MCTP1: variants seen among roughly 807,000 people sequenced by gnomAD.
The protein encoded by MCTP1 is multiple C2 and transmembrane domain containing 1.
In MCTP1, 69 loss-of-function variants were observed where a neutral mutation model predicts 120.6. The observed-to-expected ratio is 0.57, with a 90% CI of 0.47 to 0.70. MCTP1 has a LOEUF of 0.70. Ranked by LOEUF, MCTP1 falls within the 30% of genes least tolerant of loss-of-function variation. The probability of loss-of-function intolerance (pLI) is 0.00; values close to 1 mark genes in which losing one functional copy is unlikely to be tolerated. For missense variants in MCTP1, 1,203 were observed against 1,248.8 expected (o/e 0.96, Z 0.55); for synonymous variants, 529 against 493.1 (o/e 1.07, Z -0.96).
At chr5:94,839,155 G>A (rs1790457917) in intron 17 of MCTP1, among the ~76,000 whole-genome samples, 1 of 152,070 alleles carries the variant, frequency 6.6e-6, no homozygotes. Flanking sequence ...CCATCCCTAT[G>A]GTCAGTAAGC....
At position 94,727,231 on chromosome 5, in the gene MCTP1, G is replaced by A. The variant is rs189528620; in HGVS notation, c.2611-12345C>T. The stretch of plus-strand genomic sequence containing the variant: ...GGACCAGGGTTCAGCTTTGCTTAAA[G>A]TAATTCCACATGCCCCATGACCATT... On this transcript the variant is annotated intron_variant, in intron 19 of 22. Coordinates refer to ENST00000515393, the MANE Select transcript of MCTP1 (RefSeq NM_024717.7). 5.6e-4 allele frequency among the ~76,000 whole-genome samples: 86 copies of A among 152,316 alleles called. No individual in the cohort carries two copies. In the Middle Eastern group the frequency reaches 0.017, roughly 30 times the overall value.
At chr5:94,808,586 A>G (rs1782818702) in intron 17 of MCTP1, among the ~76,000 whole-genome samples, 1 of 152,122 alleles carries the variant, frequency 6.6e-6, no homozygotes, top group Non-Finnish European at 1.5e-5. Flanking sequence ...ACTAGTTTCA[A>G]CCAGATACCA....
chr5:95,045,932 A>C (rs1162370073), intron 1 of MCTP1, among the ~76,000 whole-genome samples: 1 of 152,146 alleles, frequency 6.6e-6, no homozygotes, highest in African/African-American at 2.4e-5. Context: ...GAACCTCTTC[A>C]TACCTCAGCT....
At chr5:95,104,782 A>G (rs112044400) in intron 1 of MCTP1, among the ~76,000 whole-genome samples, 1 of 152,182 alleles carries the variant, frequency 6.6e-6, no homozygotes, top group Admixed American at 6.5e-5. Flanking sequence ...TTCAGCACTT[A>G]TCAAATTTCT....
At chr5:94,925,190 T>A (rs1051571324) in intron 6 of MCTP1, among the ~76,000 whole-genome samples, 1 of 152,112 alleles carries the variant, frequency 6.6e-6, no homozygotes, top group Admixed American at 6.5e-5. Context: ...AGTCTAATGA[T>A]AATAACAATA....
Position 95,284,443 on chromosome 5 carries a change from C to T in MCTP1, c.133G>A (p.Gly45Ser). 1 of 1,523,414 alleles carries T rather than the reference C, an allele frequency of 6.6e-7. No homozygotes were observed. The highest frequency in any genetic ancestry group is 8.7e-7 in the Non-Finnish European group (1 of 1,143,466). 94.4% of individuals were successfully genotyped at this position (1,523,414 alleles called of 1,614,324 possible). The change falls in exon 1 of 23, where the codon GGT (glycine) becomes AGT (serine). Residue 45 changes from glycine to serine, a missense_variant. By Grantham distance (56) the Gly-to-Ser change is moderately conservative. Around this residue, in one of 2 missense-constraint regions of MCTP1, gnomAD observed 463 missense variants for 377.8 expected, o/e 1.23. Transcript: ENST00000515393. This position sits in a 1 kb window ranked among gnomAD's most constrained non-coding sequence, Gnocchi z 5.2. ...SKGGGGGRAGGPERRTADTPS... is the reference protein window; with the variant it reads ...SKGGGGGRAGSPERRTADTPS... ...GTGTCCGCAGTGCGGCGCTCTGGACCCCCAGCGCGCCCGCCCCCGCCGCCC... is the reference window on the plus strand; with the variant it reads ...GTGTCCGCAGTGCGGCGCTCTGGACTCCCAGCGCGCCCGCCCCCGCCGCCC...
intron 1 of MCTP1, among the ~76,000 whole-genome samples, chr5:95,067,819 C>G (rs1751071543): frequency 6.6e-6 from 1 of 152,014 alleles, no homozygotes; most frequent in Non-Finnish European, 1.5e-5. Context: ...AAAATTTATT[C>G]CTTTGACAAT....
At chr5:94,986,353 G>A (rs1047663867) in intron 2 of MCTP1, among the ~76,000 whole-genome samples, 2 of 152,094 alleles carry the variant, frequency 1.3e-5, no homozygotes, top group Non-Finnish European at 2.9e-5. Context: ...TCAAAGCAAT[G>A]TATACCCACT....
chr5:94,803,579 T>C (rs1340432692), intron 17 of MCTP1, among the ~76,000 whole-genome samples: 4 of 152,218 alleles, frequency 2.6e-5, no homozygotes, highest in Non-Finnish European at 4.4e-5. Flanking sequence ...ATCTATAAGA[T>C]GCTCAACAAG....
At position 94,961,369 on chromosome 5, in the gene MCTP1, A is replaced by T. The variant is rs190080019; in HGVS notation, c.839-8008T>A. Among the ~76,000 whole-genome samples the T allele has an allele frequency of 3.3e-5, 5 of 152,224 alleles. No homozygotes were observed. The East Asian group carries it at 9.7e-4, about 29-fold the overall frequency. ...CAAACCACCCTATGTTACCTATGTA[A>T]CAAATCTGCACGTTCTGAACATGTA... On this transcript the variant is annotated intron_variant, in intron 2 of 22. Coordinates refer to ENST00000515393, the MANE Select transcript of MCTP1 (RefSeq NM_024717.7).
At chr5:94,991,187 A>G (rs1348592641) in intron 2 of MCTP1, among the ~76,000 whole-genome samples, 5 of 152,218 alleles carry the variant, frequency 3.3e-5, no homozygotes, top group Admixed American at 3.3e-4. Context: ...AAGTTAAAAT[A>G]TAATCTTGTT....
intron 1 of MCTP1, among the ~76,000 whole-genome samples, chr5:95,238,102 T>C (rs1270685842): frequency 6.6e-6 from 1 of 152,134 alleles, no homozygotes; most frequent in Non-Finnish European, 1.5e-5. Flanking sequence ...TTGTTAGTGA[T>C]TCAAAATTTT....
intron 1 of MCTP1, among the ~76,000 whole-genome samples, chr5:95,132,572 CT>C (rs1759128180): frequency 6.6e-6 from 1 of 152,132 alleles, no homozygotes; most frequent in South Asian, 2.1e-4. Context: ...GCGCAGTTGC[CT>C]TCTTACAGAT....
chr5:95,239,954 A>T (rs1263234579), intron 1 of MCTP1, among the ~76,000 whole-genome samples: 1 of 152,024 alleles, frequency 6.6e-6, no homozygotes, highest in African/African-American at 2.4e-5. Context: ...CTCCTCATGA[A>T]ATTTTGAGTC....
intron 12 of MCTP1, among the ~76,000 whole-genome samples, chr5:94,875,739 C>G (rs960842825): frequency 6.7e-6 from 1 of 149,820 alleles, no homozygotes; most frequent in African/African-American, 2.5e-5. Flanking sequence ...TGAGCTTAGC[C>G]AAGTCAGTTC....
intron 1 of MCTP1, among the ~76,000 whole-genome samples, chr5:95,137,236 A>C (rs1374307219): frequency 6.6e-6 from 1 of 152,170 alleles, no homozygotes; most frequent in East Asian, 1.9e-4. Context: ...AGTATAACCT[A>C]GTGATGAAGA....
intron 1 of MCTP1, among the ~76,000 whole-genome samples, chr5:95,149,729 T>A (rs886673636): frequency 3.3e-5 from 5 of 152,124 alleles, no homozygotes; most frequent in African/African-American, 1.2e-4. Context: ...TGCTCAGGGA[T>A]CCAAGGACTG....
chr5:95,277,241 T>A (rs1312221022), intron 1 of MCTP1, among the ~76,000 whole-genome samples: 1 of 152,052 alleles, frequency 6.6e-6, no homozygotes, highest in Non-Finnish European at 1.5e-5. Context: ...AGAAGTAGGA[T>A]GTTTTTCCAT....
intron 10 of MCTP1, among the ~76,000 whole-genome samples, chr5:94,896,167 C>T (rs1044992445): frequency 5.9e-5 from 9 of 152,046 alleles, no homozygotes; most frequent in Admixed American, 5.9e-4. Flanking sequence ...ATACCTGGAA[C>T]AAACTGAGGT....
Sources: gnomAD v4.1 joint callset for allele counts (sites outside exome capture counted in the v4.1 genomes callset) on GRCh38, gnomAD v4.1.1 for gene constraint, gnomAD v4.1.1 regional missense constraint, Gnocchi (gnomAD v3.1) non-coding constraint, MANE v1.5 for transcripts, NCBI Gene and HGNC (gene_info 2026-07-23, HGNC 2026-07-21) for gene names.